The following KIF13A variants were observed in gnomAD, a reference collection of about 807,000 sequenced individuals.
KIF13A encodes the protein kinesin-like protein KIF13A.
Under a neutral mutation model 212.2 loss-of-function variants are expected in KIF13A, and 79 were observed. The ratio of observed to expected loss-of-function variants is 0.37; its 90% CI spans 0.31 to 0.45. The LOEUF (loss-of-function observed/expected upper bound fraction) is 0.45, where lower values mean the gene tolerates loss of function less well. KIF13A is among the 20% of genes least tolerant of loss of function. KIF13A has a pLI of 1.00. For synonymous variants in KIF13A, 789 were observed against 808.6 expected (o/e 0.98, Z 0.41); for missense variants, 1,901 against 2,209.0 (o/e 0.86, Z 2.79).
chr6:17,784,798 C>T, intron 28 of KIF13A, among the ~76,000 whole-genome samples: 1 of 152,166 alleles, frequency 6.6e-6, no homozygotes, highest in East Asian at 1.9e-4. Flanking sequence ...GCAGGAACTG[C>T]AGGGAGAAAC....
Position 17,987,312 on chromosome 6 carries a change from G to A in KIF13A, c.55+97C>T. 1 of 986,384 alleles carries A rather than the reference G, an allele frequency of 1.0e-6. No homozygotes were observed. 61.1% of individuals were successfully genotyped at this position (986,384 alleles called of 1,614,324 possible). ...ACGCCGCCTCCGCCCCGGCCCCCCGGCCCCGGCCGCGCTCTCGCCGTCCCG... is the reference window on the plus strand; with the variant it reads ...ACGCCGCCTCCGCCCCGGCCCCCCGACCCCGGCCGCGCTCTCGCCGTCCCG... On this transcript the variant is annotated intron_variant, in intron 1 of 38. Transcript: ENST00000259711. This position sits in a 1 kb window ranked among gnomAD's most constrained non-coding sequence, Gnocchi z 7.7.
chr6:17,976,043 A>G (rs553196577), intron 2 of KIF13A, among the ~76,000 whole-genome samples: 5 of 152,346 alleles, frequency 3.3e-5, no homozygotes, highest in African/African-American at 1.2e-4. Flanking sequence ...AGCTAGATAC[A>G]GAATGCCGAT....
intron 2 of KIF13A, among the ~76,000 whole-genome samples, chr6:17,937,609 T>C (rs1490179510): frequency 6.6e-6 from 1 of 152,228 alleles, no homozygotes; most frequent in Non-Finnish European, 1.5e-5. Flanking sequence ...AGTGAAATTA[T>C]AGTTTTATAG....
intron 20 of KIF13A, among the ~76,000 whole-genome samples, chr6:17,804,021 G>A (rs1334654079): frequency 6.6e-6 from 1 of 152,122 alleles, no homozygotes; most frequent in Non-Finnish European, 1.5e-5. Context: ...ATATGGTGGT[G>A]GGCGCCTGTA....
At chr6:17,836,488 AATGCTTAGCATTTGGCAG>A (rs1364221936) in intron 11 of KIF13A, among the ~76,000 whole-genome samples, 4 of 152,370 alleles carry the variant, frequency 2.6e-5, no homozygotes, top group African/African-American at 9.6e-5. Flanking sequence ...TGGTCCTCAC[AATGCTTAGCATTTGGCAG>A]ATGCCAATAA....
At chr6:17,761,604 A>C (rs1371200599), downstream of KIF13A, among the ~76,000 whole-genome samples, 2 of 152,132 alleles carry the variant, frequency 1.3e-5, no homozygotes, top group Admixed American at 1.3e-4. Context: ...GCTGGTCTCA[A>C]ACTTGTGACC....
chr6:17,884,949 C>T (rs78500633), intron 3 of KIF13A, among the ~76,000 whole-genome samples: 4 of 152,148 alleles, frequency 2.6e-5, no homozygotes, highest in Non-Finnish European at 5.9e-5. Context: ...AATATGAAAG[C>T]GACACTTCAA....
chr6:17,952,407 G>T (rs952254445), intron 2 of KIF13A, among the ~76,000 whole-genome samples: 9 of 151,440 alleles, frequency 5.9e-5, no homozygotes, highest in Admixed American at 5.3e-4. Flanking sequence ...CTGGGGTTGG[G>T]GGATCGCTTG....
Position 17,849,571 on chromosome 6 carries a change from T to C in KIF13A, c.718-82A>G, listed in dbSNP as rs1016710900. 2 of 963,136 alleles carry C rather than the reference T, an allele frequency of 2.1e-6. No individual in the cohort carries two copies. Among genetic ancestry groups the C allele is most frequent in the African/African-American group, 3.3e-5 (2 of 60,512 alleles). The allele number at this position is 963,136 out of a possible 1,614,324, so 59.7% of individuals were successfully genotyped here. On this transcript the variant is annotated intron_variant, in intron 8 of 38. Coordinates refer to ENST00000259711, the MANE Select transcript of KIF13A (RefSeq NM_022113.6). The surrounding 1 kb of genome is among the most constrained non-coding windows in gnomAD (Gnocchi z 5.7). ...ATCTACATATATGTTAGCACTATAA[T>C]TGAGCAATCCATCCCACTCTCATAT...
At chr6:17,861,718 G>C (rs1432603036) in intron 4 of KIF13A, among the ~76,000 whole-genome samples, 1 of 152,136 alleles carries the variant, frequency 6.6e-6, no homozygotes, top group Non-Finnish European at 1.5e-5. Context: ...GACTATTTAA[G>C]TCCTTGCGCT....
chr6:17,950,706 TA>T (rs1210128196), intron 2 of KIF13A: 1 of 984,106 alleles, frequency 1.0e-6, no homozygotes, highest in African/African-American at 1.7e-5. Flanking sequence ...TAATCATGCC[TA>T]AAAAACGAAA....
At chr6:17,973,830 T>C (rs1158863421) in intron 2 of KIF13A, among the ~76,000 whole-genome samples, 1 of 152,138 alleles carries the variant, frequency 6.6e-6, no homozygotes, top group Non-Finnish European at 1.5e-5. Context: ...TCCCCATGGC[T>C]TTGCTAGAAT....
Position 17,816,991 on chromosome 6 carries a change from C to G in KIF13A, c.2000+29G>C, listed in dbSNP as rs371224950. ...AAGACCCACGGCCTTGGGGCCTTGA[C>G]TCTGGGCTGCCCCCGCTGCAGTTCT... On this transcript the variant is annotated intron_variant, in intron 17 of 38. Coordinates refer to ENST00000259711, the MANE Select transcript of KIF13A (RefSeq NM_022113.6). This position sits in a 1 kb window ranked among gnomAD's most constrained non-coding sequence, Gnocchi z 4.3. 2.5e-6 allele frequency: 4 copies of G among 1,579,952 alleles called. No individual in the cohort carries two copies. The Admixed American group carries it at 5.5e-5, about 22-fold the overall frequency.
intron 2 of KIF13A, among the ~76,000 whole-genome samples, chr6:17,901,117 T>C (rs1428370781): frequency 6.9e-6 from 1 of 145,248 alleles, no homozygotes; most frequent in Non-Finnish European, 1.5e-5. Flanking sequence ...TCCAATCACA[T>C]GCATAATTCT....
At position 17,872,075 on chromosome 6, in the gene KIF13A, TAATAAAATATATTGCTC is replaced by T. The variant is rs1770063513; in HGVS notation, c.220+1285_220+1301del. 6.6e-6 allele frequency among the ~76,000 whole-genome samples: 1 copy of T among 152,234 alleles called. No individual in the cohort carries two copies. Among genetic ancestry groups the T allele is most frequent in the South Asian group, 2.1e-4 (1 of 4,838 alleles). On this transcript the variant is annotated intron_variant, in intron 4 of 38. Coordinates refer to ENST00000259711, the MANE Select transcript of KIF13A (RefSeq NM_022113.6). The surrounding 1 kb of genome is among the most constrained non-coding windows in gnomAD (Gnocchi z 4.7). Reference sequence around the variant, plus strand: ...AACATTATGAACTACTTACTCACTTTAATAAAATATATTGCTCAAGTTGTAGGAATGATATTTGGAAA... The same window carrying T: ...AACATTATGAACTACTTACTCACTTTAAGTTGTAGGAATGATATTTGGAAA...
intron 4 of KIF13A, among the ~76,000 whole-genome samples, chr6:17,866,783 T>C (rs539750825): frequency 6.9e-6 from 1 of 144,618 alleles, no homozygotes; most frequent in Non-Finnish European, 1.5e-5. Flanking sequence ...TGGGATTTGA[T>C]AGGATAAAAA....
chr6:17,958,085 G>C (rs975803665), intron 2 of KIF13A, among the ~76,000 whole-genome samples: 1 of 152,158 alleles, frequency 6.6e-6, no homozygotes, highest in East Asian at 1.9e-4. Flanking sequence ...AACTGACACA[G>C]AAATAAAAAG....
At chr6:17,927,443 G>A (rs375364125) in intron 2 of KIF13A, among the ~76,000 whole-genome samples, 26 of 152,134 alleles carry the variant, frequency 1.7e-4, no homozygotes, top group East Asian at 5.8e-4. Context: ...CTTACATGAG[G>A]TACCCAGAGT....
In KIF13A at chr6:17,825,671, G is replaced by A. The variant is rs987259604; in HGVS notation, c.1786+97C>T. The A allele has an allele frequency of 1.4e-5, 16 of 1,139,804 alleles. No individual in the cohort carries two copies. The highest frequency in any genetic ancestry group is 2.0e-5 in the Non-Finnish European group (16 of 792,410). 70.6% of individuals were successfully genotyped at this position (1,139,804 alleles called of 1,614,324 possible). On this transcript the variant is annotated intron_variant, in intron 16 of 38. Transcript: ENST00000259711. This position sits in a 1 kb window ranked among gnomAD's most constrained non-coding sequence, Gnocchi z 4.5. ...GAGCAGTTTTATGTGTTTAAAATGT[G>A]GAATGCGGAATGACACCTGATGCAT...
Sources: allele counts gnomAD v4.1 joint callset (sites outside exome capture counted in the v4.1 genomes callset), GRCh38; gene constraint gnomAD v4.1.1; non-coding constraint Gnocchi (gnomAD v3.1); transcripts MANE v1.5; gene names NCBI Gene and HGNC (gene_info 2026-07-23, HGNC 2026-07-21).